The following LRBA variants were observed in gnomAD, a reference collection of about 807,000 sequenced individuals.
LRBA encodes lipopolysaccharide-responsive and beige-like anchor protein.
In LRBA, 176 loss-of-function variants were observed where a neutral mutation model predicts 330.0. The ratio of observed to expected loss-of-function variants is 0.53; its 90% CI spans 0.47 to 0.60. The LOEUF (loss-of-function observed/expected upper bound fraction) is 0.60. Among genes scored for constraint, LRBA ranks in the 20% least tolerant of loss-of-function variants. The pLI, the probability that LRBA is intolerant of heterozygous loss-of-function variation, is 0.00. For synonymous variants in LRBA, 1,230 were observed against 1,193.0 expected (o/e 1.03, Z -0.64); for missense variants, 3,259 against 3,444.8 (o/e 0.95, Z 1.35).
intron 2 of LRBA, among the ~76,000 whole-genome samples, chr4:150,946,537 A>C (rs936316257): frequency 3.3e-5 from 5 of 152,270 alleles, no homozygotes; most frequent in Admixed American, 2.0e-4. Context: ...TCAAAAGAGG[A>C]AGTCTCAAAT....
rs376461306 is a variant in LRBA, at chr4:150,735,222, G to A, written c.5754+36C>T. The A allele has an allele frequency of 8.9e-5, 127 of 1,420,906 alleles. 1 individual carries two copies. Among genetic ancestry groups the A allele is most frequent in the South Asian group, 7.6e-4 (65 of 86,032 alleles). 88.0% of individuals were successfully genotyped at this position (1,420,906 alleles called of 1,614,324 possible). Reference sequence around the variant, plus strand: ...TTTCTCATGATTATCATTAAAAAACGGTAACTTCCGCACACCAACCATATG... The same window carrying A: ...TTTCTCATGATTATCATTAAAAAACAGTAACTTCCGCACACCAACCATATG... On this transcript the variant is annotated intron_variant, in intron 36 of 56. Coordinates refer to ENST00000651943, the MANE Select transcript of LRBA (RefSeq NM_001364905.1).
chr4:150,400,896 G>C (rs138435578), intron 47 of LRBA, among the ~76,000 whole-genome samples: 2 of 152,316 alleles, frequency 1.3e-5, no homozygotes, highest in African/African-American at 4.8e-5. Context: ...AAGTAGTTGA[G>C]TGAGTGTTAT....
intron 37 of LRBA, among the ~76,000 whole-genome samples, chr4:150,636,545 T>C (rs1458786777): frequency 6.6e-6 from 1 of 152,166 alleles, no homozygotes; most frequent in Non-Finnish European, 1.5e-5. Flanking sequence ...CACAGAGCCC[T>C]GGTTTCAATG....
chr4:150,762,888 G>A (rs1328703523), intron 34 of LRBA, among the ~76,000 whole-genome samples: 1 of 151,696 alleles, frequency 6.6e-6, no homozygotes, highest in Non-Finnish European at 1.5e-5. Context: ...CAAATTCCAT[G>A]CAATTTCACC....
At chr4:150,449,370 T>C (rs1290247822) in intron 44 of LRBA, among the ~76,000 whole-genome samples, 1 of 151,268 alleles carries the variant, frequency 6.6e-6, no homozygotes, top group East Asian at 1.9e-4. Context: ...CCATGAGGGG[T>C]AGAGGCAAGA....
At chr4:150,370,950 A>G (rs1213554457) in intron 47 of LRBA, among the ~76,000 whole-genome samples, 1 of 152,154 alleles carries the variant, frequency 6.6e-6, no homozygotes, top group East Asian at 1.9e-4. Flanking sequence ...ATGGGTTTCA[A>G]TTGCTACTTT....
At chr4:150,626,370 C>T (rs1223939713) in intron 37 of LRBA, among the ~76,000 whole-genome samples, 4 of 152,088 alleles carry the variant, frequency 2.6e-5, no homozygotes, top group African/African-American at 9.7e-5. Context: ...ATCCCATGTG[C>T]AGAACTGTAT....
intron 33 of LRBA, among the ~76,000 whole-genome samples, chr4:150,803,470 T>G (rs1441370006): frequency 6.6e-6 from 1 of 152,124 alleles, no homozygotes; most frequent in African/African-American, 2.4e-5. Context: ...ATTAAAATAT[T>G]TTTAATACTA....
intron 37 of LRBA, among the ~76,000 whole-genome samples, chr4:150,628,509 C>A (rs1434151872): frequency 6.6e-6 from 1 of 152,160 alleles, no homozygotes; most frequent in Non-Finnish European, 1.5e-5. Context: ...AACGATATTA[C>A]TGAGTTCATT....
At chr4:150,487,872 A>G in intron 41 of LRBA, 38 bp from the exon 42 acceptor site, 1 of 1,178,028 alleles carries the variant, frequency 8.5e-7, no homozygotes, top group Non-Finnish European at 1.2e-6. Context: ...AACACAGTAT[A>G]ACTTCCTTTC....
intron 44 of LRBA, among the ~76,000 whole-genome samples, chr4:150,439,086 T>C (rs1445529905): frequency 6.6e-6 from 1 of 152,176 alleles, no homozygotes. Context: ...AAATGTATTT[T>C]AGTTGTTGTC....
At chr4:150,288,576 G>A (rs988714890) in intron 53 of LRBA, among the ~76,000 whole-genome samples, 39 of 152,244 alleles carry the variant, frequency 2.6e-4, no homozygotes, top group African/African-American at 7.5e-4. Flanking sequence ...GCAACAGAGC[G>A]AGACTCCGTC....
At chr4:150,802,219 CA>C (rs1268001116) in intron 33 of LRBA, among the ~76,000 whole-genome samples, 3,209 of 54,704 alleles carry the variant, frequency 0.059, 72 homozygotes, top group African/African-American at 0.17. Flanking sequence ...GACTCAGTCT[CA>C]AAAAAAAAAA....
At chr4:150,902,474 C>T (rs1730848011) in intron 13 of LRBA, among the ~76,000 whole-genome samples, 2 of 152,016 alleles carry the variant, frequency 1.3e-5, no homozygotes, top group Admixed American at 6.5e-5. Context: ...AATGGAAATG[C>T]TACAGCTATG....
rs536263872 is a variant in LRBA, at chr4:150,265,639, T to A, written c.*83A>T. On this transcript the variant is annotated 3_prime_UTR_variant, in exon 57 of 57. Transcript: ENST00000651943. ...TTTGCTTCTTTGAGCAAATTTAAGT[T>A]ACATTCAGATGTGGTAGAAGAGAAT... 14 of 886,694 alleles carry A rather than the reference T, an allele frequency of 1.6e-5. No homozygotes were observed. In the South Asian group the frequency reaches 1.9e-4, roughly 12 times the overall value. 54.9% of individuals were successfully genotyped at this position (886,694 alleles called of 1,614,324 possible). A position where few individuals can be genotyped will look rare whatever the true frequency, so the allele number is the denominator to read the frequency against.
chr4:150,651,378 G>C (rs1779695924), intron 37 of LRBA, among the ~76,000 whole-genome samples: 1 of 152,132 alleles, frequency 6.6e-6, no homozygotes, highest in African/African-American at 2.4e-5. Context: ...CACCATCACA[G>C]TACCTGGCAT....
chr4:150,690,479 G>C (rs1020627174), intron 36 of LRBA, among the ~76,000 whole-genome samples: 6 of 147,582 alleles, frequency 4.1e-5, no homozygotes, highest in Admixed American at 1.4e-4. Flanking sequence ...CTCCAGCCTG[G>C]CAATAGAGCA....
At chr4:150,693,586 A>AAAAAAAAAAAG (rs1784346758) in intron 36 of LRBA, among the ~76,000 whole-genome samples, 1 of 148,994 alleles carries the variant, frequency 6.7e-6, no homozygotes, top group Non-Finnish European at 1.5e-5. Flanking sequence ...AAAAAAAAAA[A>AAAAAAAAAAAG]TTGGGCAAGA....
At chr4:150,487,225 T>C (rs2152092285) in intron 42 of LRBA, among the ~76,000 whole-genome samples, 1 of 151,336 alleles carries the variant, frequency 6.6e-6, no homozygotes, top group East Asian at 1.9e-4. Context: ...ATATCGTGTG[T>C]GTGTATATTT....
Sources: gnomAD v4.1 joint callset for allele counts (sites outside exome capture counted in the v4.1 genomes callset) on GRCh38, gnomAD v4.1.1 for gene constraint, MANE v1.5 for transcripts, NCBI Gene and HGNC (gene_info 2026-07-23, HGNC 2026-07-21) for gene names.